Variants in SETBP1 observed in about 807,000 individuals in gnomAD.
SETBP1 encodes the protein SET-binding protein.
Under a neutral mutation model 101.0 loss-of-function variants are expected in SETBP1, and 9 were observed. That is an observed-to-expected ratio of 0.09 (90% confidence interval 0.05 to 0.16). The LOEUF (loss-of-function observed/expected upper bound fraction) is 0.16, where lower values mean the gene tolerates loss of function less well. Among genes scored for constraint, SETBP1 ranks in the 10% least tolerant of loss-of-function variants. SETBP1 has a pLI of 1.00. For synonymous variants in SETBP1, 818 were observed against 788.5 expected (o/e 1.04, Z -0.63); for missense variants, 1,858 against 2,033.8 (o/e 0.91, Z 1.66).
At chr18:44,811,221 C>G (rs1263009095) in intron 2 of SETBP1, among the ~76,000 whole-genome samples, 2 of 152,224 alleles carry the variant, frequency 1.3e-5, no homozygotes, top group African/African-American at 4.8e-5. Flanking sequence ...AGAGACAAAT[C>G]TAGCCTTGCA....
At chr18:44,734,475 A>AC (rs1176447548) in intron 2 of SETBP1, among the ~76,000 whole-genome samples, 3 of 152,158 alleles carry the variant, frequency 2.0e-5, no homozygotes, top group African/African-American at 7.2e-5. Context: ...ATTTAGTTTG[A>AC]CATTCTAGGA....
chr18:44,707,834 A>C (rs562800112), intron 2 of SETBP1, among the ~76,000 whole-genome samples: 61 of 152,248 alleles, frequency 4.0e-4, no homozygotes, highest in African/African-American at 1.3e-3. Context: ...GGGAGAAGGA[A>C]CGGTTGCAGG....
chr18:44,761,615 T>C (rs2070648820), intron 2 of SETBP1, among the ~76,000 whole-genome samples: 1 of 152,200 alleles, frequency 6.6e-6, no homozygotes, highest in Non-Finnish European at 1.5e-5. Flanking sequence ...GAATGTCCTC[T>C]TGAGTAAGGG....
intron 2 of SETBP1, among the ~76,000 whole-genome samples, chr18:44,837,889 G>C (rs1304536829): frequency 6.6e-6 from 1 of 152,182 alleles, no homozygotes; most frequent in African/African-American, 2.4e-5. Flanking sequence ...TGTATACAGA[G>C]ACATATGCAA....
intron 4 of SETBP1, among the ~76,000 whole-genome samples, chr18:44,971,935 A>G (rs2071871547): frequency 6.6e-6 from 1 of 152,104 alleles, no homozygotes; most frequent in Admixed American, 6.5e-5. Context: ...GGTGTTTTAG[A>G]CATGAAGTCC....
At chr18:45,028,632 G>A (rs888668344) in intron 4 of SETBP1, among the ~76,000 whole-genome samples, 10 of 152,164 alleles carry the variant, frequency 6.6e-5, no homozygotes, top group African/African-American at 2.2e-4. Flanking sequence ...CACCAACAGT[G>A]TAAAAGTGTT....
At chr18:45,016,778 A>T (rs2072953156) in intron 4 of SETBP1, among the ~76,000 whole-genome samples, 1 of 135,756 alleles carries the variant, frequency 7.4e-6, no homozygotes. Context: ...GAGAGCTCTC[A>T]CTCCACCCCC....
rs527730082 is a variant in SETBP1, at chr18:44,743,668, G to T, written c.486+41836G>T. On this transcript the variant is annotated intron_variant, in intron 2 of 5. Coordinates refer to ENST00000649279, the MANE Select transcript of SETBP1 (RefSeq NM_015559.3). ...AAAATAGCTCTGTGGCTAAAATTAG[G>T]GGTCAAGGGAAGACTAGCCCCCATT... Among the ~76,000 whole-genome samples, 4 of 152,284 alleles carry T rather than the reference G, an allele frequency of 2.6e-5. No individual in the cohort carries two copies. In the East Asian group the frequency reaches 7.7e-4, roughly 29 times the overall value.
At chr18:44,839,854 CCCA>C (rs758303987) in intron 2 of SETBP1, among the ~76,000 whole-genome samples, 1 of 152,100 alleles carries the variant, frequency 6.6e-6, no homozygotes, top group Non-Finnish European at 1.5e-5. Flanking sequence ...TTGCTGAATG[CCCA>C]GTAATAGTAC....
chr18:44,798,425 CT>C (rs970343552), intron 2 of SETBP1, among the ~76,000 whole-genome samples: 1 of 152,188 alleles, frequency 6.6e-6, no homozygotes. Context: ...CTCTGACCAT[CT>C]TTTCTTTCTG....
intron 2 of SETBP1, among the ~76,000 whole-genome samples, chr18:44,744,093 C>T (rs1456785512): frequency 6.6e-6 from 1 of 152,220 alleles, no homozygotes; most frequent in Non-Finnish European, 1.5e-5. Flanking sequence ...AACATTTCCA[C>T]TCTGCCATTG....
chr18:44,847,632 T>C (rs665997), intron 2 of SETBP1, among the ~76,000 whole-genome samples: 51,259 of 152,106 alleles, frequency 0.34, 8,713 homozygotes, highest in South Asian at 0.44. Context: ...TGTCAAGCAC[T>C]GTGGGGGTAG....
At chr18:44,930,096 T>C (rs978648790) in intron 3 of SETBP1, among the ~76,000 whole-genome samples, 3 of 152,224 alleles carry the variant, frequency 2.0e-5, no homozygotes, top group Admixed American at 1.3e-4. Flanking sequence ...TCTTATTATT[T>C]GGAGATACGT....
chr18:44,842,913 C>T (rs1273234204), intron 2 of SETBP1, among the ~76,000 whole-genome samples: 1 of 152,238 alleles, frequency 6.6e-6, no homozygotes, highest in Non-Finnish European at 1.5e-5. Context: ...ATGCTGAGGT[C>T]ATCAGCCATG....
intron 3 of SETBP1, chr18:44,870,523 A>G (rs914568456): frequency 6.6e-6 from 1 of 152,222 alleles, no homozygotes; most frequent in African/African-American, 2.4e-5. Flanking sequence ...TTAGACAGAG[A>G]TGGCCAGTAA....
At chr18:44,858,359 C>T (rs767078258) in intron 2 of SETBP1, among the ~76,000 whole-genome samples, 1 of 152,212 alleles carries the variant, frequency 6.6e-6, no homozygotes, top group Non-Finnish European at 1.5e-5. Context: ...GCAGGGCCAT[C>T]TGTGGAAGGG....
chr18:44,974,482 T>G (rs1274271956), intron 4 of SETBP1, among the ~76,000 whole-genome samples: 1 of 152,144 alleles, frequency 6.6e-6, no homozygotes, highest in African/African-American at 2.4e-5. Flanking sequence ...CTAGGATTAT[T>G]CACCCTCACC....
chr18:44,866,826 G>C (rs534005546), intron 2 of SETBP1, among the ~76,000 whole-genome samples: 1 of 152,316 alleles, frequency 6.6e-6, no homozygotes, highest in Admixed American at 6.5e-5. Context: ...TGGATAAATG[G>C]TCATTATCAA....
chr18:44,688,874 T>C (rs1018050730), intron 1 of SETBP1, among the ~76,000 whole-genome samples: 14 of 152,228 alleles, frequency 9.2e-5, no homozygotes, highest in Non-Finnish European at 1.8e-4. Context: ...ACTGGTGTTT[T>C]GATCCACAAA....
Sources: gnomAD v4.1 joint callset for allele counts (sites outside exome capture counted in the v4.1 genomes callset) on GRCh38, gnomAD v4.1.1 for gene constraint, MANE v1.5 for transcripts, NCBI Gene and HGNC (gene_info 2026-07-23, HGNC 2026-07-21) for gene names.